The following BNIP3 variants were observed in gnomAD, a reference collection of about 807,000 sequenced individuals.
The protein encoded by BNIP3 is BCL2/adenovirus E1B 19 kDa protein-interacting protein 3.
Under a neutral mutation model 23.9 loss-of-function variants are expected in BNIP3, and 16 were observed. That is an observed-to-expected ratio of 0.67 (90% CI 0.45 to 1.01). The LOEUF is 1.01. BNIP3 is among the 50% of genes least tolerant of loss of function. The probability of loss-of-function intolerance (pLI) is 0.00; values close to 1 mark genes in which losing one functional copy is unlikely to be tolerated. For synonymous variants in BNIP3, 81 were observed against 89.3 expected (o/e 0.91, Z 0.53); for missense variants, 198 against 248.7 (o/e 0.80, Z 1.37).
intron 1 of BNIP3, among the ~76,000 whole-genome samples, chr10:131,979,916 A>G (rs926935037): frequency 1.3e-5 from 2 of 152,178 alleles, no homozygotes; most frequent in African/African-American, 4.8e-5. Context: ...GGACAGGCAG[A>G]GGTGAGCGCT....
At chr10:131,973,391 TG>T in intron 2 of BNIP3, 1 of 499,628 alleles carries the variant, frequency 2.0e-6, no homozygotes, top group Non-Finnish European at 3.6e-6. Context: ...CTTCACGGTC[TG>T]GGTCTGTTGC....
rs549427160 is a variant in BNIP3 at position 131,971,495 on chromosome 10, T to C, written c.283-525A>G. On this transcript the variant is annotated intron_variant, in intron 3 of 5. Transcript: ENST00000368636. ...AGCTGCGGCCAAATCCTCAGAATTATATAACAGCACGAAACATTAAAGAGG... is the reference window on the plus strand; with the variant it reads ...AGCTGCGGCCAAATCCTCAGAATTACATAACAGCACGAAACATTAAAGAGG... 9 of 156,438 alleles carry C rather than the reference T, an allele frequency of 5.8e-5. No homozygotes were observed. In the South Asian group the frequency reaches 1.8e-3, roughly 30 times the overall value. The allele number at this position is 156,438 out of a possible 1,614,324, so 9.7% of individuals were successfully genotyped here.
intron 1 of BNIP3, chr10:131,980,392 G>A (rs2037110612): frequency 6.6e-6 from 1 of 151,568 alleles, no homozygotes; most frequent in Admixed American, 6.6e-5. Flanking sequence ...TTTCAAAATA[G>A]TAATTAGCCA....
At position 131,970,939 on chromosome 10, in the gene BNIP3, T is replaced by A; in HGVS notation, c.314A>T (p.Glu105Val). Residue 105 changes from glutamate to valine, a missense_variant, in exon 4 of 6, where the codon GAA (glutamate) becomes GTA (valine). Transcript: ENST00000368636. This position sits in a 1 kb window ranked among gnomAD's most constrained non-coding sequence, Gnocchi z 4.1. ...SEEDDIERRKEVESILKKNSD... is the reference protein window; with the variant it reads ...SEEDDIERRKVVESILKKNSD... Reference sequence around the variant, plus strand: ...GTTTTTCTTCAAGATGCTTTCAACTTCTTTCCTTCTTTCAATATCATCTTC... The same window carrying A: ...GTTTTTCTTCAAGATGCTTTCAACTACTTTCCTTCTTTCAATATCATCTTC... 1 of 1,614,236 alleles carries A rather than the reference T, an allele frequency of 6.2e-7. No individual in the cohort carries two copies. Among genetic ancestry groups the A allele is most frequent in the Non-Finnish European group, 8.5e-7 (1 of 1,180,042 alleles).
rs565710416 is a variant in BNIP3 at position 131,976,908 on chromosome 10, G to A, written c.47-2965C>T. Reference sequence around the variant, plus strand: ...CTAATAGGGTGACTTTATGAATAACGCACACACTGGTCAGGTTGTTCTGCC... The same window carrying A: ...CTAATAGGGTGACTTTATGAATAACACACACACTGGTCAGGTTGTTCTGCC... On this transcript the variant is annotated intron_variant, in intron 1 of 5. Coordinates refer to ENST00000368636, the MANE Select transcript of BNIP3 (RefSeq NM_004052.4). The surrounding 1 kb of genome is among the most constrained non-coding windows in gnomAD (Gnocchi z 4.3). Among the ~76,000 whole-genome samples the A allele has an allele frequency of 6.6e-5, 10 of 152,258 alleles. No homozygotes were observed. The South Asian group carries it at 1.5e-3, about 22-fold the overall frequency.
intron 3 of BNIP3, among the ~76,000 whole-genome samples, chr10:131,972,185 TC>T (rs2037041212): frequency 6.6e-6 from 1 of 152,128 alleles, no homozygotes; most frequent in South Asian, 2.1e-4. Context: ...GTACACTTTT[TC>T]CTCTAAGACT....
At position 131,981,763 on chromosome 10, in the gene BNIP3, T is replaced by C. The variant is rs969641244; in HGVS notation, c.44A>G (p.Gln15Arg). ...GAPGMQEESLQGSWVELHFSN... is the reference protein window; with the variant it reads ...GAPGMQEESLRGSWVELHFSN... ...CCGCGCCGCCTCCTCCGCCTCACCC[T>C]GCAGGCTCTCCTCCTGCATCCCGGG... is the stretch of plus-strand genomic sequence containing the variant. The change falls in exon 1 of 6, where the codon CAG becomes CGG. Residue 15 changes from glutamine to arginine, a missense_variant and splice_region_variant. Physicochemically the swap from Gln to Arg is conservative, Grantham distance 43 (BLOSUM62 1). Transcript: ENST00000368636. 4 of 1,475,728 alleles carry C rather than the reference T, an allele frequency of 2.7e-6. No homozygotes were observed. Among genetic ancestry groups the C allele is most frequent in the Admixed American group, 2.3e-5 (1 of 43,284 alleles). 91.4% of individuals were successfully genotyped at this position (1,475,728 alleles called of 1,614,324 possible).
At position 131,976,627 on chromosome 10, in the gene BNIP3, A is replaced by C. The variant is rs1483815776; in HGVS notation, c.47-2684T>G. On this transcript the variant is annotated intron_variant, in intron 1 of 5. Transcript: ENST00000368636. This position sits in a 1 kb window ranked among gnomAD's most constrained non-coding sequence, Gnocchi z 4.3. ...ACACGTCCCAACCCTAACCCCAACCACACTCTCTGCAACCAGACTCCCACT... is the reference window on the plus strand; with the variant it reads ...ACACGTCCCAACCCTAACCCCAACCCCACTCTCTGCAACCAGACTCCCACT... Among the ~76,000 whole-genome samples, 1 of 151,920 alleles carries C rather than the reference A, an allele frequency of 6.6e-6. No individual in the cohort carries two copies. Among genetic ancestry groups the C allele is most frequent in the Non-Finnish European group, 1.5e-5 (1 of 67,952 alleles).
rs944274348 is a variant in BNIP3, at chr10:131,970,541, G to A, written c.539+97C>T. The A allele has an allele frequency of 5.8e-5, 85 of 1,465,650 alleles. No homozygotes were observed. Among genetic ancestry groups the A allele is most frequent in the Non-Finnish European group, 7.7e-5 (84 of 1,087,546 alleles). 90.8% of individuals were successfully genotyped at this position (1,465,650 alleles called of 1,614,324 possible). A position where few individuals can be genotyped will look rare whatever the true frequency, so the allele number is the denominator to read the frequency against. ...GAAAATGCACCAAGCTGTAACTGAT[G>A]ATCTGGACTTCAGGAAACAGGTTAC... is the stretch of plus-strand genomic sequence containing the variant. On this transcript the variant is annotated intron_variant, in intron 5 of 5. Transcript: ENST00000368636. This position sits in a 1 kb window ranked among gnomAD's most constrained non-coding sequence, Gnocchi z 4.1.
chr10:131,974,201 T>C (rs536656498), intron 1 of BNIP3, among the ~76,000 whole-genome samples: 3 of 152,352 alleles, frequency 2.0e-5, no homozygotes, highest in Non-Finnish European at 4.4e-5. Context: ...TGCAGTCCCT[T>C]TATACCAAGC....
At position 131,970,097 on chromosome 10, in the gene BNIP3, T is replaced by C. The variant is rs754823518; in HGVS notation, c.539+541A>G. On this transcript the variant is annotated intron_variant, in intron 5 of 5. Transcript: ENST00000368636. The surrounding 1 kb of genome is among the most constrained non-coding windows in gnomAD (Gnocchi z 4.1). ...AGGAGGCTGAGGCAGGAGAGTCGCT[T>C]GAACCCAGGAGGCAGAGGCTGCAGT... is the stretch of plus-strand genomic sequence containing the variant. 26 of 153,640 alleles carry C rather than the reference T, an allele frequency of 1.7e-4. No individual in the cohort carries two copies. Among genetic ancestry groups the C allele is most frequent in the Middle Eastern group, 3.3e-3 (1 of 300 alleles). 9.5% of individuals were successfully genotyped at this position (153,640 alleles called of 1,614,324 possible).
chr10:131,981,656 A>C, intron 1 of BNIP3, 105 bp downstream of exon 1: 1 of 1,285,106 alleles, frequency 7.8e-7, no homozygotes, highest in Non-Finnish European at 1.0e-6. Flanking sequence ...CCGGCCCGCG[A>C]TGCCCCCTAG....
Position 131,972,910 on chromosome 10 carries a change from T to C in BNIP3, c.282+124A>G, listed in dbSNP as rs1184977964. The C allele has an allele frequency of 9.5e-6, 9 of 944,140 alleles. No homozygotes were observed. The Admixed American group carries it at 2.3e-4, about 25-fold the overall frequency. 58.5% of individuals were successfully genotyped at this position (944,140 alleles called of 1,614,324 possible). On this transcript the variant is annotated intron_variant, in intron 3 of 5. Coordinates refer to ENST00000368636, the MANE Select transcript of BNIP3 (RefSeq NM_004052.4). ...TTTTTTGTTTCGCTTTTTTGTTTTT[T>C]TTAAAGCAGGAAACACCCTTAAAGC... is the stretch of plus-strand genomic sequence containing the variant.
chr10:131,976,878 C>T lies in BNIP3; in HGVS notation c.47-2935G>A, dbSNP rs945855047. On this transcript the variant is annotated intron_variant, in intron 1 of 5. Coordinates refer to ENST00000368636, the MANE Select transcript of BNIP3 (RefSeq NM_004052.4). This position sits in a 1 kb window ranked among gnomAD's most constrained non-coding sequence, Gnocchi z 4.3. ...TTAACCAAGGAGCACTTTTGGAGTA[C>T]ACTGCTAATAGGGTGACTTTATGAA... Among the ~76,000 whole-genome samples the T allele has an allele frequency of 5.9e-5, 9 of 152,194 alleles. No homozygotes were observed. The highest frequency in any genetic ancestry group is 2.9e-5 in the Non-Finnish European group (2 of 68,026).
chr10:131,968,096 T>C lies in BNIP3; in HGVS notation c.*428A>G, dbSNP rs1342307525. ...AATAGTGTGATATATAAGGCCACAATATTTATTTTGGACAAACCCCTTAAA... is the reference window on the plus strand; with the variant it reads ...AATAGTGTGATATATAAGGCCACAACATTTATTTTGGACAAACCCCTTAAA... On this transcript the variant is annotated 3_prime_UTR_variant, in exon 6 of 6. Transcript: ENST00000368636. 6.4e-6 allele frequency: 1 copy of C among 156,186 alleles called. No individual in the cohort carries two copies. 9.7% of individuals were successfully genotyped at this position (156,186 alleles called of 1,614,324 possible). A position where few individuals can be genotyped will look rare whatever the true frequency, so the allele number is the denominator to read the frequency against.
rs1021096996 is a variant in BNIP3 at position 131,970,436 on chromosome 10, A to C, written c.539+202T>G. On this transcript the variant is annotated intron_variant, in intron 5 of 5. Coordinates refer to ENST00000368636, the MANE Select transcript of BNIP3 (RefSeq NM_004052.4). This position sits in a 1 kb window ranked among gnomAD's most constrained non-coding sequence, Gnocchi z 4.1. ...ACTCGTCAGGCCAGACAGCAGCACC[A>C]CAGGGCGCCTGTGCTGGGGCCTTTG... is the stretch of plus-strand genomic sequence containing the variant. 72 of 702,148 alleles carry C rather than the reference A, an allele frequency of 1.0e-4. No individual in the cohort carries two copies. Among genetic ancestry groups the C allele is most frequent in the Non-Finnish European group, 1.6e-4 (69 of 432,266 alleles). The allele number at this position is 702,148 out of a possible 1,614,324, so 43.5% of individuals were successfully genotyped here. A position where few individuals can be genotyped will look rare whatever the true frequency, so the allele number is the denominator to read the frequency against.
intron 3 of BNIP3, among the ~76,000 whole-genome samples, chr10:131,972,635 A>C (rs1172983008): frequency 6.6e-6 from 1 of 152,034 alleles, no homozygotes; most frequent in Non-Finnish European, 1.5e-5. Flanking sequence ...ATTAAAACCC[A>C]CTCACTGTCC....
intron 3 of BNIP3, among the ~76,000 whole-genome samples, chr10:131,972,757 G>T (rs1393037213): frequency 6.6e-6 from 1 of 152,192 alleles, no homozygotes; most frequent in South Asian, 2.1e-4. Flanking sequence ...CCTCCTTTCC[G>T]GTGTATCCCT....
Position 131,970,914 on chromosome 10 carries a change from G to A in BNIP3, c.339C>T (p.Asn113=). 5 of 1,614,208 alleles carry A rather than the reference G, an allele frequency of 3.1e-6. No individual in the cohort carries two copies. The highest frequency in any genetic ancestry group is 4.2e-6 in the Non-Finnish European group (5 of 1,180,040). The change falls in exon 4 of 6, where the codon AAC becomes AAT. Residue 113 remains asparagine, a synonymous_variant. Transcript: ENST00000368636. This position sits in a 1 kb window ranked among gnomAD's most constrained non-coding sequence, Gnocchi z 4.1. ...RKEVESILKK[N]SDWIWDWSSR... is the part of the protein sequence containing the mutation. ...TTGACCAATCCCATATCCAATCTGA[G>A]TTTTTCTTCAAGATGCTTTCAACTT... is the stretch of plus-strand genomic sequence containing the variant.
Sources: gnomAD v4.1 joint callset for allele counts (sites outside exome capture counted in the v4.1 genomes callset) on GRCh38, gnomAD v4.1.1 for gene constraint, Gnocchi (gnomAD v3.1) non-coding constraint, MANE v1.5 for transcripts, NCBI Gene and HGNC (gene_info 2026-07-23, HGNC 2026-07-21) for gene names.